Variants in TARBP1 observed in about 807,000 individuals in gnomAD.
TARBP1 encodes the protein tRNA guanosine 2 -O-methyltransferase TARBP1, also known as tRNA (guanosine(18)-2'-O)-methyltransferase TARBP1.
In TARBP1, 144 loss-of-function variants were observed where a neutral mutation model predicts 178.6. The observed-to-expected ratio is 0.81, with a 90% confidence interval of 0.70 to 0.93. The LOEUF is 0.93. TARBP1 is among the 40% of genes least tolerant of loss of function. TARBP1 has a pLI of 0.00. For synonymous variants in TARBP1, 787 were observed against 781.0 expected, an observed-to-expected ratio of 1.01 and a Z score of -0.13; for missense variants, 2,067 against 2,011.7, an observed-to-expected ratio of 1.03 and a Z score of -0.53.
intron 6 of TARBP1, among the ~76,000 whole-genome samples, chr1:234,462,669 C>T (rs1053017851): frequency 2.7e-5 from 3 of 109,750 alleles, no homozygotes; most frequent in Non-Finnish European, 5.0e-5. Context: ...AGCCTAATGA[C>T]AGAGCAAGAC....
intron 23 of TARBP1, chr1:234,406,539 A>T (rs1661261750): frequency 5.7e-6 from 1 of 176,184 alleles, no homozygotes; most frequent in Non-Finnish European, 1.2e-5. Context: ...GATACCACAC[A>T]AAGTGCTGTC....
intron 1 of TARBP1, among the ~76,000 whole-genome samples, chr1:234,474,142 G>C (rs970150394): frequency 1.3e-5 from 2 of 151,876 alleles, no homozygotes; most frequent in African/African-American, 4.8e-5. Context: ...TTCTCTGGAG[G>C]CTGAGATGAG....
intron 18 of TARBP1, 31 bp downstream of exon 18, chr1:234,427,545 T>A (rs371582273): frequency 6.3e-7 from 1 of 1,575,210 alleles, no homozygotes; most frequent in East Asian, 2.3e-5. Flanking sequence ...TAATACAAGT[T>A]ATGACCAGTT....
At position 234,427,301 on chromosome 1, in the gene TARBP1, A is replaced by T. The variant is rs780441638; in HGVS notation, c.3323+16T>A. On this transcript the variant is annotated intron_variant, in intron 19 of 29. Transcript: ENST00000040877. ...ATCTCATTTATGTGAAGACAGAGAAAATCTACCATACTTACTTTTCCATAA... is the reference window on the plus strand; with the variant it reads ...ATCTCATTTATGTGAAGACAGAGAATATCTACCATACTTACTTTTCCATAA... 5 of 1,586,080 alleles carry T rather than the reference A, an allele frequency of 3.2e-6. No individual in the cohort carries two copies. The highest frequency in any genetic ancestry group is 3.4e-6 in the Non-Finnish European group (4 of 1,161,444).
rs1037865369 is a variant in TARBP1 at position 234,456,245 on chromosome 1, C to T, written c.1722+1422G>A. 4.6e-5 allele frequency among the ~76,000 whole-genome samples: 7 copies of T among 152,198 alleles called. No homozygotes were observed. In the East Asian group the frequency reaches 1.2e-3, roughly 25 times the overall value. ...AGACAGGGTCTCACTCTGTCGTGCA[C>T]GCTGGAGTGCAGTGGCACGATCTCA... On this transcript the variant is annotated intron_variant, in intron 9 of 29. Coordinates refer to ENST00000040877, the MANE Select transcript of TARBP1 (RefSeq NM_005646.4).
Position 234,398,505 on chromosome 1 carries a change from A to C in TARBP1, c.4120T>G (p.Trp1374Gly). 2 of 1,609,760 alleles carry C rather than the reference A, an allele frequency of 1.2e-6. No individual in the cohort carries two copies. The highest frequency in any genetic ancestry group is 1.3e-5 in the African/African-American group (1 of 75,022). Residue 1374 changes from tryptophan (W) to glycine (G), a missense_variant, in exon 26 of 30, where the codon TGG becomes GGG. Transcript: ENST00000040877. ...PRLSGLIEDE[W>G]ITIDKFTRFT... ...CTGGTAAATTTATCAATGGTGATCC[A>C]TTCATCTTCAATAAGGCCTGAAAGG...
In TARBP1 at chr1:234,427,337, C is replaced by T. The variant is rs141887124; in HGVS notation, c.3303G>A (p.Ala1101=). The T allele has an allele frequency of 5.7e-5, 92 of 1,610,534 alleles. No homozygotes were observed. The highest frequency in any genetic ancestry group is 7.3e-5 in the Non-Finnish European group (86 of 1,178,388). Residue 1101 remains alanine (A), a synonymous_variant, in exon 19 of 30, where the codon GCG becomes GCA. Transcript: ENST00000040877. ...TFIENLGHDC[A]ANIVMENTKR... The stretch of plus-strand genomic sequence containing the variant: ...CTTACTTTTCCATAACAATATTTGC[C>T]GCACAGTCATGTCCAAGGTTTTCTA...
At position 234,430,295 on chromosome 1, in the gene TARBP1, T is replaced by C. The variant is rs904427602; in HGVS notation, c.2401A>G (p.Thr801Ala). 3.7e-6 allele frequency: 6 copies of C among 1,613,418 alleles called. 1 individual carries two copies. The highest frequency in any genetic ancestry group is 5.1e-6 in the Non-Finnish European group (6 of 1,179,852). ...LQEMDSGQEP[T>A]VGSQIQRVVS... ...ACTCTCTGAATCTGACTTCCAACTG[T>C]TGGCTCCTGAAAAGGAAATGTGACA... Residue 801 changes from threonine (T) to alanine (A), a missense_variant, in exon 15 of 30, where the codon ACA (threonine) becomes GCA (alanine). Physicochemically the swap from Thr to Ala is moderately conservative, Grantham distance 58. Transcript: ENST00000040877.
At chr1:234,403,549 T>C (rs939414173) in intron 24 of TARBP1, among the ~76,000 whole-genome samples, 8 of 152,230 alleles carry the variant, frequency 5.3e-5, no homozygotes, top group African/African-American at 1.9e-4. Context: ...CCCATTTGAC[T>C]GTGAGTCACA....
At chr1:234,429,710 T>C (rs751357840) in intron 15 of TARBP1, 33 bp from the exon 16 acceptor site, 226 of 1,488,768 alleles carry the variant, frequency 1.5e-4, no homozygotes, top group Non-Finnish European at 2.0e-4. Flanking sequence ...TAGGCCATAC[T>C]TCCCCAATTT....
chr1:234,412,913 C>T (rs544146929), intron 22 of TARBP1, among the ~76,000 whole-genome samples: 1 of 152,234 alleles, frequency 6.6e-6, no homozygotes, highest in East Asian at 1.9e-4. Context: ...ATGTGATTTG[C>T]TTTGGCTGGT....
At chr1:234,432,633 G>A (rs887031353) in intron 14 of TARBP1, among the ~76,000 whole-genome samples, 1 of 152,214 alleles carries the variant, frequency 6.6e-6, no homozygotes, top group Non-Finnish European at 1.5e-5. Flanking sequence ...ATGCTGCCAA[G>A]TGTATGCTGG....
chr1:234,459,294 T>A lies in TARBP1; in HGVS notation c.1568A>T (p.Gln523Leu), dbSNP rs761480177. ...TTGGGCTGCCCCTCTCAGGAGAATC[T>A]GATGTGTGATCATAGTGCAATGAAT... ...DVIHCTMITHQILLRGAAQCY... is the reference protein window; with the variant it reads ...DVIHCTMITHLILLRGAAQCY... Residue 523 changes from glutamine (Q) to leucine (L), a missense_variant, in exon 8 of 30, where the codon CAG becomes CTG. Gln to Leu is a moderately radical substitution (Grantham distance 113). Coordinates refer to ENST00000040877, the MANE Select transcript of TARBP1 (RefSeq NM_005646.4). The A allele has an allele frequency of 5.6e-6, 9 of 1,613,384 alleles. No homozygotes were observed. The highest frequency in any genetic ancestry group is 7.6e-6 in the Non-Finnish European group (9 of 1,179,748).
intron 6 of TARBP1, among the ~76,000 whole-genome samples, chr1:234,463,126 T>A (rs923986824): frequency 6.6e-5 from 6 of 90,404 alleles, no homozygotes; most frequent in African/African-American, 2.0e-4. Context: ...AGTGTTTTTT[T>A]GTTTTTTTTG....
In TARBP1 at chr1:234,430,135, G is replaced by A. The variant is rs780531376; in HGVS notation, c.2561C>T (p.Pro854Leu). 2.2e-5 allele frequency: 35 copies of A among 1,614,030 alleles called. No homozygotes were observed. Among genetic ancestry groups the A allele is most frequent in the Non-Finnish European group, 2.3e-5 (27 of 1,180,042 alleles). ...SLQLNQTLQK[P>L]HAEEQSSYAH... Reference sequence around the variant, plus strand: ...ATAACTGCTCTGCTCCTCTGCGTGGGGCTTCTGCAGCGTCTGATTGAGCTG... The same window carrying A: ...ATAACTGCTCTGCTCCTCTGCGTGGAGCTTCTGCAGCGTCTGATTGAGCTG... Residue 854 changes from proline to leucine, a missense_variant, in exon 15 of 30, where the codon CCC becomes CTC. Pro to Leu is a moderately conservative substitution (Grantham distance 98). Transcript: ENST00000040877.
chr1:234,445,836 A>G (rs1666110846), intron 12 of TARBP1, among the ~76,000 whole-genome samples: 1 of 152,086 alleles, frequency 6.6e-6, no homozygotes, highest in Non-Finnish European at 1.5e-5. Flanking sequence ...TATATAACTT[A>G]CATATCACAC....
In TARBP1 at chr1:234,403,658, G is replaced by A. The variant is rs1660925459; in HGVS notation, c.3989+2245C>T. 2.0e-5 allele frequency among the ~76,000 whole-genome samples: 3 copies of A among 152,160 alleles called. No homozygotes were observed. The South Asian group carries it at 6.2e-4, about 32-fold the overall frequency. On this transcript the variant is annotated intron_variant, in intron 24 of 29. Coordinates refer to ENST00000040877, the MANE Select transcript of TARBP1 (RefSeq NM_005646.4). ...AGGTATGCAATCACAGAACAGAGGT[G>A]GCTTAATGCCCAGGGTGCCTTATTT...
rs987060013 is a variant in TARBP1 at position 234,478,169 on chromosome 1, G to C, written c.931+4C>G. On this transcript the variant is annotated splice_donor_region_variant and intron_variant, in intron 1 of 29. Transcript: ENST00000040877. ...ACTAGGCTGGGGGGCAAAGAGGCAG[G>C]TACCGTTTCCTTCCTGGGGCCCGCA... 1 of 1,611,626 alleles carries C rather than the reference G, an allele frequency of 6.2e-7. No individual in the cohort carries two copies. Among genetic ancestry groups the C allele is most frequent in the Non-Finnish European group, 8.5e-7 (1 of 1,179,340 alleles).
rs1558179434 is a variant in TARBP1 at position 234,420,785 on chromosome 1, G to GT, written c.3471dup (p.Arg1158ThrfsTer25). ...TGCTGTAGAGAATTCACATAGTAGCGTTTTTTGGACTTGGACACTAATTCA... is the reference window on the plus strand; with the variant it reads ...TGCTGTAGAGAATTCACATAGTAGCGTTTTTTTGGACTTGGACACTAATTCA... On this transcript the variant is annotated frameshift_variant, in exon 21 of 30. Coordinates refer to ENST00000040877, the MANE Select transcript of TARBP1 (RefSeq NM_005646.4). LOFTEE classifies it high-confidence loss of function. 2 of 1,610,236 alleles carry GT rather than the reference G, an allele frequency of 1.2e-6. No homozygotes were observed. The highest frequency in any genetic ancestry group is 1.7e-6 in the Non-Finnish European group (2 of 1,178,100).
Sources: gnomAD v4.1 joint callset for allele counts (sites outside exome capture counted in the v4.1 genomes callset) on GRCh38, gnomAD v4.1.1 for gene constraint, MANE v1.5 for transcripts, NCBI Gene and HGNC (gene_info 2026-07-23, HGNC 2026-07-21) for gene names.